The following RGS21 variants were observed in gnomAD, a reference collection of about 807,000 sequenced individuals.
The protein encoded by RGS21 is regulator of G-protein signalling 21.
Under a neutral mutation model 18.7 loss-of-function variants are expected in RGS21, and 19 were observed. That is an observed-to-expected ratio of 1.01 (90% CI 0.71 to 1.49). The LOEUF is 1.49. RGS21 is among the 40% of genes most tolerant of loss of function. The probability of loss-of-function intolerance (pLI) is 0.00; values close to 1 mark genes in which losing one functional copy is unlikely to be tolerated. For synonymous variants in RGS21, 56 were observed against 57.8 expected (o/e 0.97, Z 0.14); for missense variants, 194 against 176.8 (o/e 1.10, Z -0.55).
At chr1:192,349,803 G>A (rs532711179) in intron 3 of RGS21, among the ~76,000 whole-genome samples, 1 of 152,106 alleles carries the variant, frequency 6.6e-6, no homozygotes, top group African/African-American at 2.4e-5. Flanking sequence ...GGAGAGCAAG[G>A]GAAAATAATG....
chr1:192,319,084 TA>T (rs1208625293), intron 1 of RGS21, among the ~76,000 whole-genome samples: 3 of 151,922 alleles, frequency 2.0e-5, no homozygotes, highest in African/African-American at 7.3e-5. Context: ...TCTATAAAAA[TA>T]ATTTAAAAAT....
At chr1:192,339,096 GT>G (rs1391765605) in intron 1 of RGS21, among the ~76,000 whole-genome samples, 1 of 151,846 alleles carries the variant, frequency 6.6e-6, no homozygotes, top group African/African-American at 2.4e-5. Flanking sequence ...TTTCTGACAC[GT>G]ATTTCTGAAG....
At chr1:192,356,424 G>T (rs1659113729) in intron 4 of RGS21, among the ~76,000 whole-genome samples, 1 of 151,740 alleles carries the variant, frequency 6.6e-6, no homozygotes. Context: ...ACTTTAGTTT[G>T]ACTCTAAAGA....
At chr1:192,337,367 T>G (rs1376521090) in intron 1 of RGS21, among the ~76,000 whole-genome samples, 2 of 152,076 alleles carry the variant, frequency 1.3e-5, no homozygotes, top group Non-Finnish European at 2.9e-5. Context: ...ATCAAATTTT[T>G]TATTAAAAAG....
In RGS21 at chr1:192,343,000, A is replaced by C. The variant is rs938734373; in HGVS notation, c.-37A>C. Reference sequence around the variant, plus strand: ...AGCTTGAAGATCAGTCAGAAAGAGAAACTCGGCATCATCTGTGACAGACAG... The same window carrying C: ...AGCTTGAAGATCAGTCAGAAAGAGACACTCGGCATCATCTGTGACAGACAG... On this transcript the variant is annotated 5_prime_UTR_variant, in exon 2 of 5. Coordinates refer to ENST00000417209, the MANE Select transcript of RGS21 (RefSeq NM_001039152.3). 1.2e-6 allele frequency: 2 copies of C among 1,610,690 alleles called. No homozygotes were observed. Among genetic ancestry groups the C allele is most frequent in the African/African-American group, 2.7e-5 (2 of 74,838 alleles).
Position 192,366,055 on chromosome 1 carries a change from A to G in RGS21, c.390A>G (p.Ser130=). The G allele has an allele frequency of 6.2e-7, 1 of 1,612,026 alleles. No homozygotes were observed. Among genetic ancestry groups the G allele is most frequent in the East Asian group, 2.2e-5 (1 of 44,684 alleles). Residue 130 remains serine (S), a synonymous_variant, in exon 5 of 5, where the codon TCA becomes TCG. Transcript: ENST00000417209. Reference sequence around the variant, plus strand: ...ATTCTTTCCCTCGATTTCTGAAGTCAGAGATTTATAAAAAACTGGTAAATA... The same window carrying G: ...ATTCTTTCCCTCGATTTCTGAAGTCGGAGATTTATAAAAAACTGGTAAATA... The part of the protein sequence containing the change: ...AKDSFPRFLK[S]EIYKKLVNSQ...
intron 4 of RGS21, among the ~76,000 whole-genome samples, chr1:192,356,417 T>G (rs1266054954): frequency 6.6e-6 from 1 of 151,764 alleles, no homozygotes; most frequent in Non-Finnish European, 1.5e-5. Flanking sequence ...AATAGAAACT[T>G]TAGTTTGACT....
At chr1:192,340,367 G>A (rs1158289402) in intron 1 of RGS21, among the ~76,000 whole-genome samples, 1 of 152,118 alleles carries the variant, frequency 6.6e-6, no homozygotes, top group Non-Finnish European at 1.5e-5. Context: ...AACTTTGTGA[G>A]ATAGGTATTA....
chr1:192,328,118 A>G (rs1658594916), intron 1 of RGS21, among the ~76,000 whole-genome samples: 2 of 152,208 alleles, frequency 1.3e-5, no homozygotes, highest in Non-Finnish European at 2.9e-5. Context: ...AAAAGAAGGC[A>G]TACAGGGCCG....
intron 1 of RGS21, among the ~76,000 whole-genome samples, chr1:192,331,816 TAA>T (rs1186320544): frequency 6.6e-6 from 1 of 151,962 alleles, no homozygotes; most frequent in Non-Finnish European, 1.5e-5. Context: ...CTACTTTTGT[TAA>T]AAGATTGAAA....
intron 1 of RGS21, among the ~76,000 whole-genome samples, chr1:192,323,204 T>G (rs1658519868): frequency 6.6e-6 from 1 of 152,140 alleles, no homozygotes; most frequent in Non-Finnish European, 1.5e-5. Context: ...ACTCCTTGTT[T>G]TACCCCACAA....
intron 1 of RGS21, among the ~76,000 whole-genome samples, chr1:192,334,266 TA>T (rs893878123): frequency 7.2e-5 from 11 of 152,198 alleles, no homozygotes; most frequent in African/African-American, 2.6e-4. Context: ...TAACCATGAG[TA>T]AAAAATCTTA....
intron 1 of RGS21, among the ~76,000 whole-genome samples, chr1:192,332,431 T>C (rs2102225507): frequency 6.6e-6 from 1 of 152,298 alleles, no homozygotes; most frequent in Non-Finnish European, 1.5e-5. Flanking sequence ...TCAACCTTGT[T>C]CGAAACTTCA....
In RGS21 at chr1:192,342,932, A is replaced by T. The variant is rs1449336192; in HGVS notation, c.-60-45A>T. On this transcript the variant is annotated intron_variant, in intron 1 of 4. Transcript: ENST00000417209. The stretch of plus-strand genomic sequence containing the variant: ...CCAATTTGTAACCCAGGGGATAGGT[A>T]TTCGCATACTAATTGTAATGTTCCT... The T allele has an allele frequency of 1.5e-5, 17 of 1,117,236 alleles. No individual in the cohort carries two copies. In the South Asian group the frequency reaches 1.6e-4, roughly 11 times the overall value. 69.2% of individuals were successfully genotyped at this position (1,117,236 alleles called of 1,614,324 possible).
intron 4 of RGS21, 64 bp from the exon 5 acceptor site, chr1:192,365,857 T>C (rs867799269): frequency 1.1e-4 from 94 of 851,800 alleles, no homozygotes; most frequent in Middle Eastern, 9.4e-4. Flanking sequence ...AAATAATATA[T>C]ATGTATAAAC....
At chr1:192,345,312 T>C (rs902671772) in intron 2 of RGS21, among the ~76,000 whole-genome samples, 2 of 152,060 alleles carry the variant, frequency 1.3e-5, no homozygotes, top group African/African-American at 4.8e-5. Context: ...CGTTTTCACA[T>C]TATTTTTCAT....
At chr1:192,339,280 C>A (rs1658817416) in intron 1 of RGS21, among the ~76,000 whole-genome samples, 1 of 151,568 alleles carries the variant, frequency 6.6e-6, no homozygotes, top group Admixed American at 6.6e-5. Flanking sequence ...GATACTTTTG[C>A]TTAAATTATG....
At chr1:192,362,316 A>T (rs1189092604) in intron 4 of RGS21, among the ~76,000 whole-genome samples, 1 of 152,210 alleles carries the variant, frequency 6.6e-6, no homozygotes, top group Non-Finnish European at 1.5e-5. Flanking sequence ...TATCAGATAA[A>T]TGACAAATTC....
chr1:192,336,722 T>C (rs1323803624), intron 1 of RGS21, among the ~76,000 whole-genome samples: 1 of 152,126 alleles, frequency 6.6e-6, no homozygotes, highest in Non-Finnish European at 1.5e-5. Flanking sequence ...GGATAGTTTT[T>C]AATTGCCATT....
Sources: allele counts gnomAD v4.1 joint callset (sites outside exome capture counted in the v4.1 genomes callset), GRCh38; gene constraint gnomAD v4.1.1; transcripts MANE v1.5; gene names NCBI Gene and HGNC (gene_info 2026-07-23, HGNC 2026-07-21).